RCC1: variants seen among roughly 807,000 people sequenced by gnomAD.
RCC1 encodes the protein regulator of chromosome condensation 1.
Under a neutral mutation model 44.4 loss-of-function variants are expected in RCC1, and 11 were observed. That is an observed-to-expected ratio of 0.25 (90% CI 0.16 to 0.41). The LOEUF (loss-of-function observed/expected upper bound fraction) is 0.41. Ranked by LOEUF, RCC1 falls within the 10% of genes least tolerant of loss-of-function variation. The probability of loss-of-function intolerance (pLI) is 1.00; values close to 1 mark genes in which losing one functional copy is unlikely to be tolerated. For missense variants in RCC1, 386 were observed against 547.1 expected (o/e 0.71, Z 2.94); for synonymous variants, 213 against 216.5 (o/e 0.98, Z 0.14).
At chr1:28,527,333 A>G (rs1189507775) in intron 4 of RCC1, 2 of 515,692 alleles carry the variant, frequency 3.9e-6, no homozygotes, top group African/African-American at 1.9e-5. Flanking sequence ...TCAGCCTCCC[A>G]GGCTCACGCC....
At position 28,520,310 on chromosome 1, in the gene RCC1, G is replaced by A. The variant is rs180749937; in HGVS notation, c.-10+3443G>A. On this transcript the variant is annotated intron_variant, in intron 4 of 12. Coordinates refer to ENST00000683442, the MANE Select transcript of RCC1 (RefSeq NM_001381865.2). ...GGCACAGCTGCAGTGGCCTGGGAGG[G>A]CTCTGTCTCCTTTTACAGAAATCGA... Among the ~76,000 whole-genome samples the A allele has an allele frequency of 2.0e-5, 3 of 152,308 alleles. No individual in the cohort carries two copies. The East Asian group carries it at 5.8e-4, about 29-fold the overall frequency.
intron 3 of RCC1, among the ~76,000 whole-genome samples, chr1:28,513,143 A>G (rs1469547658): frequency 1.3e-5 from 2 of 151,410 alleles, no homozygotes; most frequent in Non-Finnish European, 1.5e-5. Context: ...ATCTCAGCTC[A>G]CTGCAACTTC....
At chr1:28,507,650 T>C in intron 1 of RCC1, 1 of 421,278 alleles carries the variant, frequency 2.4e-6, no homozygotes, top group South Asian at 1.7e-5. Flanking sequence ...TTGCCCAGGC[T>C]GGAGTGCAGT....
intron 4 of RCC1, among the ~76,000 whole-genome samples, chr1:28,521,011 G>A (rs905410814): frequency 1.2e-4 from 19 of 152,052 alleles, no homozygotes; most frequent in Admixed American, 1.0e-3. Context: ...CCTGGGAGGC[G>A]GAGGTTGCAG....
chr1:28,536,289 T>C lies in RCC1; in HGVS notation c.845T>C (p.Ile282Thr). Residue 282 changes from isoleucine (I) to threonine (T), a missense_variant, in exon 11 of 13, where the codon ATA (isoleucine) becomes ACA (threonine). Transcript: ENST00000683442. The surrounding 1 kb of genome is among the most constrained non-coding windows in gnomAD (Gnocchi z 4.9). ...ACTCCGGGCACAGAATCTTGCTTCATACCCCAGAACCTAACATCCTTCAAG... is the reference window on the plus strand; with the variant it reads ...ACTCCGGGCACAGAATCTTGCTTCACACCCCAGAACCTAACATCCTTCAAG... ...LGTPGTESCF[I>T]PQNLTSFKNS... The C allele has an allele frequency of 2.5e-6, 4 of 1,614,158 alleles. No homozygotes were observed. The highest frequency in any genetic ancestry group is 3.4e-6 in the Non-Finnish European group (4 of 1,180,012).
intron 2 of RCC1, chr1:28,508,597 C>A (rs1284112894): frequency 3.9e-6 from 2 of 518,682 alleles, no homozygotes; most frequent in Admixed American, 1.9e-5. Context: ...TCCCCAGGCT[C>A]TGTCCAAGTG....
chr1:28,532,451 T>C (rs893229200), intron 7 of RCC1, 101 bp downstream of exon 7: 1 of 1,326,256 alleles, frequency 7.5e-7, no homozygotes, highest in African/African-American at 1.5e-5. Flanking sequence ...TACTTACTGG[T>C]GGGGAGATGA....
intron 4 of RCC1, chr1:28,526,294 C>A (rs1570197816): frequency 8.3e-6 from 2 of 241,602 alleles, no homozygotes; most frequent in Non-Finnish European, 8.2e-6. Flanking sequence ...CTCAAAAAAA[C>A]AAACAAACAA....
intron 3 of RCC1, among the ~76,000 whole-genome samples, chr1:28,512,233 G>T (rs990617979): frequency 6.6e-6 from 1 of 151,230 alleles, no homozygotes; most frequent in East Asian, 1.9e-4. Flanking sequence ...CACCACGCCC[G>T]GCAGAGCCTT....
At chr1:28,529,738 A>C in intron 4 of RCC1, 120 bp from the exon 5 acceptor site, 1 of 726,670 alleles carries the variant, frequency 1.4e-6, no homozygotes, top group Middle Eastern at 2.4e-4. Context: ...ATACATTTTG[A>C]GAAGTGGAAT....
At chr1:28,506,421 G>C in intron 1 of RCC1, 1 of 345,068 alleles carries the variant, frequency 2.9e-6, no homozygotes, top group South Asian at 2.2e-5. Context: ...CTGATTTCCG[G>C]TGATCCACCA....
chr1:28,512,228 C>CAGGCATGAGCCACCAT (rs1557867835), intron 3 of RCC1, among the ~76,000 whole-genome samples: 5 of 68,858 alleles, frequency 7.3e-5, no homozygotes, highest in African/African-American at 3.3e-4. Flanking sequence ...TGATCCACCA[C>CAGGCATGAGCCACCAT]GCCCGGCAGA....
intron 4 of RCC1, chr1:28,518,534 G>A (rs1663049439): frequency 6.7e-6 from 1 of 148,992 alleles, no homozygotes; most frequent in East Asian, 2.0e-4. Flanking sequence ...CTGCCTCGCT[G>A]GAGCTAGGGC....
intron 4 of RCC1, among the ~76,000 whole-genome samples, chr1:28,520,115 C>T (rs72885753): frequency 6.6e-6 from 1 of 152,200 alleles, no homozygotes; most frequent in Non-Finnish European, 1.5e-5. Flanking sequence ...AGGTGAGAAA[C>T]TCCTAGTGTG....
rs769808394 is a variant in RCC1 at position 28,531,259 on chromosome 1, C to CTTTTT, written c.74-543_74-539dup. On this transcript the variant is annotated intron_variant, in intron 5 of 12. Transcript: ENST00000683442. The stretch of plus-strand genomic sequence containing the variant: ...CAATAACAATAATTAGCTTTCTTTT[C>CTTTTT]TTTTTCTTTTTTTTTTTTTTTTTGA... 6.2e-3 allele frequency among the ~76,000 whole-genome samples: 824 copies of CTTTTT among 132,258 alleles called. 39 individuals carry two copies. Among genetic ancestry groups the CTTTTT allele is most frequent in the African/African-American group, 9.3e-3 (299 of 32,062 alleles). 86.8% of individuals were successfully genotyped at this position (132,258 alleles called of 152,430 possible).
intron 3 of RCC1, among the ~76,000 whole-genome samples, chr1:28,516,513 A>T (rs1662905978): frequency 1.3e-5 from 2 of 150,230 alleles, no homozygotes; most frequent in South Asian, 4.2e-4. Flanking sequence ...AAAAAAAAAA[A>T]AAAAAGAGTT....
intron 7 of RCC1, among the ~76,000 whole-genome samples, chr1:28,533,840 C>CTTT (rs1664351916): frequency 3.1e-5 from 1 of 32,672 alleles, no homozygotes; most frequent in Non-Finnish European, 6.6e-5. Context: ...CTTTTCTTTT[C>CTTT]TTTTCTTTTT....
chr1:28,538,093 C>A lies in RCC1; in HGVS notation c.*86C>A. ...GTGACAGCTGCAGATGGCAGCGGGC[C>A]TCTCCCCAGCCCTGAGCACTGTGTC... On this transcript the variant is annotated 3_prime_UTR_variant, in exon 13 of 13. Coordinates refer to ENST00000683442, the MANE Select transcript of RCC1 (RefSeq NM_001381865.2). 1 of 1,269,398 alleles carries A rather than the reference C, an allele frequency of 7.9e-7. No individual in the cohort carries two copies. The highest frequency in any genetic ancestry group is 1.1e-6 in the Non-Finnish European group (1 of 909,020). The allele number at this position is 1,269,398 out of a possible 1,614,324, so 78.6% of individuals were successfully genotyped here.
intron 4 of RCC1, among the ~76,000 whole-genome samples, chr1:28,529,239 A>G (rs1172636039): frequency 7.8e-6 from 1 of 128,982 alleles, no homozygotes; most frequent in East Asian, 2.2e-4. Context: ...GCTGGAGTGC[A>G]GTGGCTCGAT....
Sources: gnomAD v4.1 joint callset for allele counts (sites outside exome capture counted in the v4.1 genomes callset) on GRCh38, gnomAD v4.1.1 for gene constraint, Gnocchi (gnomAD v3.1) non-coding constraint, MANE v1.5 for transcripts, NCBI Gene and HGNC (gene_info 2026-07-23, HGNC 2026-07-21) for gene names.